HTR1F: variants seen among roughly 807,000 people sequenced by gnomAD.
The protein encoded by HTR1F is 5-hydroxytryptamine receptor 1F, also known as 5-hydroxytryptamine (serotonin) receptor 1F, G protein-coupled.
A neutral mutation model predicts 24.0 loss-of-function variants in HTR1F; 17 were observed. The ratio of observed to expected loss-of-function variants is 0.71; its 90% CI spans 0.48 to 1.06. The LOEUF is 1.06. Among genes scored for constraint, HTR1F ranks in the 50% least tolerant of loss-of-function variants. The probability of loss-of-function intolerance (pLI) is 0.00; values close to 1 mark genes in which losing one functional copy is unlikely to be tolerated. For missense variants in HTR1F, 391 were observed against 427.8 expected (o/e 0.91, Z 0.76); for synonymous variants, 186 against 156.8 (o/e 1.19, Z -1.39).
chr3:87,871,939 C>G (rs1254024945), intron 2 of HTR1F, among the ~76,000 whole-genome samples: 3 of 151,926 alleles, frequency 2.0e-5, no homozygotes, highest in African/African-American at 7.2e-5. Flanking sequence ...AATATTCTAC[C>G]CAACAACAGT....
chr3:87,875,650 C>T (rs963886702), intron 2 of HTR1F, among the ~76,000 whole-genome samples: 12 of 151,882 alleles, frequency 7.9e-5, no homozygotes, highest in East Asian at 1.9e-4. Flanking sequence ...CTCAGCCAGG[C>T]GCGGTGGCTC....
At chr3:87,935,602 G>A (rs73847728) in intron 2 of HTR1F, among the ~76,000 whole-genome samples, 29,704 of 152,000 alleles carry the variant, frequency 0.2, 3,379 homozygotes, top group African/African-American at 0.32. Flanking sequence ...ATTCTAACTG[G>A]ATTAAATTTT....
At chr3:87,828,073 G>A (rs1381608000) in intron 2 of HTR1F, among the ~76,000 whole-genome samples, 1 of 152,146 alleles carries the variant, frequency 6.6e-6, no homozygotes, top group East Asian at 1.9e-4. Context: ...GTAGGGGAGG[G>A]TAATTGTACT....
chr3:87,847,014 G>A (rs949209712), intron 2 of HTR1F, among the ~76,000 whole-genome samples: 1 of 150,996 alleles, frequency 6.6e-6, no homozygotes, highest in African/African-American at 2.4e-5. Context: ...AAGATATATT[G>A]GGGAAAAATA....
chr3:87,836,962 G>A (rs1447194063), intron 2 of HTR1F, among the ~76,000 whole-genome samples: 1 of 151,830 alleles, frequency 6.6e-6, no homozygotes, highest in African/African-American at 2.4e-5. Flanking sequence ...TAGATTATGG[G>A]AAGAACATTT....
chr3:87,966,495 A>C (rs527625000), intron 2 of HTR1F, among the ~76,000 whole-genome samples: 63 of 152,294 alleles, frequency 4.1e-4, no homozygotes, highest in African/African-American at 1.5e-3. Context: ...TTCACCTTTG[A>C]TAGAAAAATA....
intron 2 of HTR1F, among the ~76,000 whole-genome samples, chr3:87,916,332 G>C (rs1277506353): frequency 9.5e-6 from 1 of 105,042 alleles, no homozygotes; most frequent in Non-Finnish European, 2.2e-5. Flanking sequence ...AAAAAAACAA[G>C]GTACACAGGC....
At chr3:87,946,119 G>C (rs1248548962) in intron 2 of HTR1F, among the ~76,000 whole-genome samples, 1 of 152,242 alleles carries the variant, frequency 6.6e-6, no homozygotes, top group African/African-American at 2.4e-5. Flanking sequence ...TAGCCATGCA[G>C]GAACAATGGC....
At chr3:87,843,142 C>T (rs1704846461) in intron 2 of HTR1F, among the ~76,000 whole-genome samples, 1 of 151,668 alleles carries the variant, frequency 6.6e-6, no homozygotes, top group Non-Finnish European at 1.5e-5. Context: ...GACATTGTAA[C>T]CTAAACCACT....
intron 2 of HTR1F, among the ~76,000 whole-genome samples, chr3:87,902,880 A>G (rs1706360721): frequency 6.6e-6 from 1 of 151,820 alleles, no homozygotes; most frequent in African/African-American, 2.4e-5. Flanking sequence ...CAGTTTACTG[A>G]GAATGACGAT....
chr3:87,940,296 C>T (rs1704537281), intron 2 of HTR1F, among the ~76,000 whole-genome samples: 1 of 152,024 alleles, frequency 6.6e-6, no homozygotes, highest in African/African-American at 2.4e-5. Flanking sequence ...CGATAAAACT[C>T]AACACCCCTT....
chr3:87,808,521 C>A (rs1704109415), intron 1 of HTR1F, among the ~76,000 whole-genome samples: 1 of 151,114 alleles, frequency 6.6e-6, no homozygotes, highest in South Asian at 2.1e-4. Context: ...TTTGGTTAAT[C>A]CATCAAGTGA....
At chr3:87,882,717 AG>A (rs1169789441) in intron 2 of HTR1F, among the ~76,000 whole-genome samples, 2 of 71,732 alleles carry the variant, frequency 2.8e-5, no homozygotes, top group African/African-American at 5.7e-5. Flanking sequence ...GGGTCGGGGG[AG>A]GGGGGAGGGA....
At chr3:87,978,028 G>A (rs1342547316) in intron 2 of HTR1F, among the ~76,000 whole-genome samples, 1 of 152,186 alleles carries the variant, frequency 6.6e-6, no homozygotes, top group Non-Finnish European at 1.5e-5. Context: ...TGAGTGCAGG[G>A]TCCAGCCATT....
intron 2 of HTR1F, among the ~76,000 whole-genome samples, chr3:87,952,568 G>A (rs1704856975): frequency 6.6e-6 from 1 of 151,886 alleles, no homozygotes; most frequent in African/African-American, 2.4e-5. Flanking sequence ...ATTGCGATCA[G>A]CCCTAAGGGC....
intron 2 of HTR1F, among the ~76,000 whole-genome samples, chr3:87,948,107 A>T (rs1227922616): frequency 6.6e-6 from 1 of 152,220 alleles, no homozygotes; most frequent in African/African-American, 2.4e-5. Flanking sequence ...GGCTTATCCT[A>T]TCATCATAGA....
At chr3:87,945,293 C>T (rs1345480158) in intron 2 of HTR1F, among the ~76,000 whole-genome samples, 2 of 152,120 alleles carry the variant, frequency 1.3e-5, no homozygotes, top group East Asian at 3.9e-4. Context: ...GCCTAGATGC[C>T]TAAGGACACA....
chr3:87,794,051 A>C (rs1476852012), intron 1 of HTR1F, among the ~76,000 whole-genome samples: 1 of 151,834 alleles, frequency 6.6e-6, no homozygotes, highest in East Asian at 1.9e-4. Flanking sequence ...ATTTACATAC[A>C]AGTCTTTGAA....
rs1432465579 is a variant in HTR1F, at chr3:87,792,767, G to T, written c.-235G>T. Among the ~76,000 whole-genome samples, 1 of 152,214 alleles carries T rather than the reference G, an allele frequency of 6.6e-6. No homozygotes were observed. The highest frequency in any genetic ancestry group is 1.5e-5 in the Non-Finnish European group (1 of 68,036). ...CGCTGCTGTCTTCCCGCCCCGTGGGGTCGCCCCTGCCCTCCCGCGCCCCGG... is the reference window on the plus strand; with the variant it reads ...CGCTGCTGTCTTCCCGCCCCGTGGGTTCGCCCCTGCCCTCCCGCGCCCCGG... On this transcript the variant is annotated 5_prime_UTR_variant, in exon 1 of 3. Coordinates refer to ENST00000319595, the MANE Select transcript of HTR1F (RefSeq NM_001322209.2).
Sources: gnomAD v4.1 joint callset for allele counts (sites outside exome capture counted in the v4.1 genomes callset) on GRCh38, gnomAD v4.1.1 for gene constraint, MANE v1.5 for transcripts, NCBI Gene and HGNC (gene_info 2026-07-23, HGNC 2026-07-21) for gene names.